FAM171B: variants seen among roughly 807,000 people sequenced by gnomAD.
FAM171B encodes the protein family with sequence similarity 171 member B, also known as protein FAM171B.
A neutral mutation model predicts 75.6 loss-of-function variants in FAM171B; 19 were observed. The observed-to-expected ratio is 0.25, with a 90% CI of 0.18 to 0.37. FAM171B has a LOEUF of 0.37. FAM171B is among the 10% of genes least tolerant of loss of function. The pLI, the probability that FAM171B is intolerant of heterozygous loss-of-function variation, is 1.00. For missense variants in FAM171B, 848 were observed against 982.4 expected, an observed-to-expected ratio of 0.86 and a Z score of 1.83; for synonymous variants, 367 against 361.7, an observed-to-expected ratio of 1.01 and a Z score of -0.17.
Position 186,761,526 on chromosome 2 carries a change from T to C in FAM171B, c.1184T>C (p.Leu395Pro), listed in dbSNP as rs1690615060. ...AAAAGAGAAAGAAATATCACTAAAC[T>C]TGAGGTCCTCAAGAGAGACCAGACA... ...PQKRERNITK[L>P]EVLKRDQTTS... The change falls in exon 8 of 8, where the codon CTT becomes CCT. Residue 395 changes from leucine (L) to proline (P), a missense_variant. Leu to Pro is a moderately conservative substitution (Grantham distance 98). Coordinates refer to ENST00000304698, the MANE Select transcript of FAM171B (RefSeq NM_177454.4). The C allele has an allele frequency of 6.3e-7, 1 of 1,594,370 alleles. No homozygotes were observed. Among genetic ancestry groups the C allele is most frequent in the South Asian group, 1.2e-5 (1 of 86,204 alleles).
rs112897230 is a variant in FAM171B at position 186,697,039 on chromosome 2, G to A, written c.238+2628G>A. 2.5e-3 allele frequency among the ~76,000 whole-genome samples: 383 copies of A among 151,692 alleles called. 1 individual carries two copies. The highest frequency in any genetic ancestry group is 0.01 in the Middle Eastern group (3 of 292). The stretch of plus-strand genomic sequence containing the variant: ...GGATGGATGGATGGATGGATGGATG[G>A]ATGAATGAATGAATGAATTCACTTT... On this transcript the variant is annotated intron_variant, in intron 1 of 7. Transcript: ENST00000304698.
chr2:186,712,552 G>C (rs967458247), intron 1 of FAM171B, among the ~76,000 whole-genome samples: 2 of 152,178 alleles, frequency 1.3e-5, no homozygotes, highest in Non-Finnish European at 2.9e-5. Flanking sequence ...GATGACTTGA[G>C]TAATACCATA....
intron 1 of FAM171B, among the ~76,000 whole-genome samples, chr2:186,720,967 A>C (rs1436677286): frequency 1.3e-5 from 2 of 152,174 alleles, no homozygotes. Context: ...CTCTAGGGGT[A>C]TGCATCAGGA....
At chr2:186,716,833 T>C (rs1437886714) in intron 1 of FAM171B, among the ~76,000 whole-genome samples, 1 of 152,240 alleles carries the variant, frequency 6.6e-6, no homozygotes, top group Non-Finnish European at 1.5e-5. Context: ...TTTCCTCTTC[T>C]ATTTTTCTTT....
intron 4 of FAM171B, among the ~76,000 whole-genome samples, chr2:186,750,788 T>C (rs1690441364): frequency 6.6e-6 from 1 of 152,178 alleles, no homozygotes; most frequent in Non-Finnish European, 1.5e-5. Context: ...TGATGGTGTA[T>C]GATAGAGCCT....
Position 186,762,134 on chromosome 2 carries a change from C to T in FAM171B, c.1792C>T (p.Pro598Ser). 6.2e-7 allele frequency: 1 copy of T among 1,613,670 alleles called. No individual in the cohort carries two copies. Among genetic ancestry groups the T allele is most frequent in the South Asian group, 1.1e-5 (1 of 91,072 alleles). ...KMPIHSHAQP[P>S]DAREEDIILE... ...GCCAATTCATTCTCATGCACAGCCC[C>T]CAGATGCCAGGGAAGAGGATATCAT... Residue 598 changes from proline (P) to serine (S), a missense_variant, in exon 8 of 8, where the codon CCA (proline) becomes TCA (serine). Around this residue, in one of 3 missense-constraint regions of FAM171B, gnomAD observed 665 missense variants for 729.0 expected, o/e 0.91. Transcript: ENST00000304698. This position sits in a 1 kb window ranked among gnomAD's most constrained non-coding sequence, Gnocchi z 4.0.
chr2:186,703,564 G>A (rs1689695962), intron 1 of FAM171B, among the ~76,000 whole-genome samples: 2 of 152,164 alleles, frequency 1.3e-5, no homozygotes, highest in Non-Finnish European at 2.9e-5. Context: ...AACAGGATGG[G>A]TAGGTAGGTG....
At chr2:186,724,467 C>T (rs1690002119) in intron 1 of FAM171B, among the ~76,000 whole-genome samples, 1 of 152,198 alleles carries the variant, frequency 6.6e-6, no homozygotes, top group Admixed American at 6.5e-5. Context: ...GTCCCTGCAG[C>T]TCACAGCTAG....
chr2:186,707,912 C>A (rs911297305), intron 1 of FAM171B, among the ~76,000 whole-genome samples: 2 of 151,552 alleles, frequency 1.3e-5, no homozygotes, highest in African/African-American at 4.9e-5. Flanking sequence ...CTCTCAGAGG[C>A]ATCTCCTACT....
At position 186,761,500 on chromosome 2, in the gene FAM171B, G is replaced by A; in HGVS notation, c.1158G>A (p.Gln386=). Residue 386 remains glutamine (Q), a synonymous_variant, in exon 8 of 8, where the codon CAG becomes CAA. Transcript: ENST00000304698. ...CYCRDKCGTP[Q]KRERNITKLE... ...CTAGGGACAAGTGTGGTACTCCACA[G>A]AAAAGAGAAAGAAATATCACTAAAC... 2.5e-6 allele frequency: 4 copies of A among 1,580,360 alleles called. No homozygotes were observed. Among genetic ancestry groups the A allele is most frequent in the Non-Finnish European group, 3.4e-6 (4 of 1,169,512 alleles).
At chr2:186,740,174 G>A in intron 1 of FAM171B, 54 bp from the exon 2 acceptor site, 1 of 1,275,062 alleles carries the variant, frequency 7.8e-7, no homozygotes, top group Non-Finnish European at 1.1e-6. Context: ...TAAAGACTAT[G>A]ACATATGCAT....
chr2:186,729,907 C>T (rs187941353), intron 1 of FAM171B, among the ~76,000 whole-genome samples: 1 of 152,262 alleles, frequency 6.6e-6, no homozygotes, highest in Non-Finnish European at 1.5e-5. Context: ...GCCTGTGAAT[C>T]CTGGCTATAA....
rs1171320697 is a variant in FAM171B at position 186,720,527 on chromosome 2, C to CA, written c.239-19699dup. On this transcript the variant is annotated intron_variant, in intron 1 of 7. Coordinates refer to ENST00000304698, the MANE Select transcript of FAM171B (RefSeq NM_177454.4). Reference sequence around the variant, plus strand: ...TACCGTGCTTATACAAATGTAGACACAAGTAATCACAGGGACACAATATGA... The same window carrying CA: ...TACCGTGCTTATACAAATGTAGACACAAAGTAATCACAGGGACACAATATGA... 1.8e-4 allele frequency among the ~76,000 whole-genome samples: 27 copies of CA among 152,120 alleles called. No homozygotes were observed. In the East Asian group the frequency reaches 5.0e-3, roughly 28 times the overall value.
chr2:186,748,345 T>G (rs996834668), intron 4 of FAM171B, among the ~76,000 whole-genome samples: 1 of 151,914 alleles, frequency 6.6e-6, no homozygotes, highest in Middle Eastern at 3.2e-3. Flanking sequence ...GTTCATTTCA[T>G]TTGAGGAACA....
chr2:186,736,530 G>C lies in FAM171B; in HGVS notation c.239-3698G>C, dbSNP rs1232251400. ...TATAAGAGGAGGTATACTGAAATAT[G>C]TTTGTGGCTGTGTGTGTGTGTGTGT... is the stretch of plus-strand genomic sequence containing the variant. On this transcript the variant is annotated intron_variant, in intron 1 of 7. Transcript: ENST00000304698. Among the ~76,000 whole-genome samples, 3 of 121,184 alleles carry C rather than the reference G, an allele frequency of 2.5e-5. No individual in the cohort carries two copies. The South Asian group carries it at 9.2e-4, about 37-fold the overall frequency. 79.5% of individuals were successfully genotyped at this position (121,184 alleles called of 152,430 possible). A position where few individuals can be genotyped will look rare whatever the true frequency, so the allele number is the denominator to read the frequency against.
chr2:186,719,963 CAAGAT>C (rs1689928213), intron 1 of FAM171B, among the ~76,000 whole-genome samples: 1 of 152,072 alleles, frequency 6.6e-6, no homozygotes, highest in Admixed American at 6.5e-5. Flanking sequence ...AAATAAGAAA[CAAGAT>C]AATTTTAGAA....
intron 6 of FAM171B, among the ~76,000 whole-genome samples, chr2:186,759,193 C>T (rs2105792720): frequency 6.6e-6 from 1 of 152,116 alleles, no homozygotes; most frequent in East Asian, 1.9e-4. Context: ...TTTATCCATT[C>T]ATCTGTTGAT....
intron 1 of FAM171B, among the ~76,000 whole-genome samples, chr2:186,736,567 G>GTGGGGGA (rs55683607): frequency 9.6e-6 from 1 of 104,590 alleles, no homozygotes; most frequent in Non-Finnish European, 2.0e-5. Flanking sequence ...TGTGTGTGTG[G>GTGGGGGA]GAGAGAGAGA....
At chr2:186,709,542 A>T (rs1015443748) in intron 1 of FAM171B, among the ~76,000 whole-genome samples, 7 of 152,150 alleles carry the variant, frequency 4.6e-5, no homozygotes, top group Non-Finnish European at 7.4e-5. Context: ...ACACTGATAT[A>T]TAATAGAAAT....
Sources: gnomAD v4.1 joint callset for allele counts (sites outside exome capture counted in the v4.1 genomes callset) on GRCh38, gnomAD v4.1.1 for gene constraint, gnomAD v4.1.1 regional missense constraint, Gnocchi (gnomAD v3.1) non-coding constraint, MANE v1.5 for transcripts, NCBI Gene and HGNC (gene_info 2026-07-23, HGNC 2026-07-21) for gene names.